The following POGZ variants were observed in gnomAD, a reference collection of about 807,000 sequenced individuals.
The protein encoded by POGZ is pogo transposable element derived with ZNF domain.
Under a neutral mutation model 134.6 loss-of-function variants are expected in POGZ, and 17 were observed. The ratio of observed to expected loss-of-function variants is 0.13; its 90% confidence interval spans 0.09 to 0.19. The LOEUF is 0.19. Among genes scored for constraint, POGZ ranks in the 10% least tolerant of loss-of-function variants. The pLI, the probability that POGZ is intolerant of heterozygous loss-of-function variation, is 1.00. For synonymous variants in POGZ, 693 were observed against 657.1 expected, an observed-to-expected ratio of 1.05 and a Z score of -0.84; for missense variants, 1,306 against 1,769.7, an observed-to-expected ratio of 0.74 and a Z score of 4.70.
At chr1:151,457,043 A>G (rs1438372559) in intron 1 of POGZ, among the ~76,000 whole-genome samples, 1 of 152,194 alleles carries the variant, frequency 6.6e-6, no homozygotes, top group Non-Finnish European at 1.5e-5. Context: ...TCTTACTATT[A>G]TTTTGAAAAT....
chr1:151,411,987 A>T (rs1392778448), intron 11 of POGZ, among the ~76,000 whole-genome samples: 1 of 152,246 alleles, frequency 6.6e-6, no homozygotes, highest in Non-Finnish European at 1.5e-5. Context: ...AAGTCTAAGA[A>T]TAATCCATGT....
chr1:151,458,342 G>A (rs1048077077), intron 1 of POGZ, among the ~76,000 whole-genome samples: 2 of 152,046 alleles, frequency 1.3e-5, no homozygotes, highest in African/African-American at 4.8e-5. Context: ...AGAAAATAAA[G>A]ATTCCCCGCC....
In POGZ at chr1:151,408,764, T is replaced by C; in HGVS notation, c.1991A>G (p.Glu664Gly). Residue 664 changes from glutamate (E) to glycine (G), a missense_variant, in exon 13 of 19, where the codon GAA (glutamate) becomes GGA (glycine). Transcript: ENST00000271715. ...LQFLFAKDKI[E>G]HKLQHHKTFR... ...GGTTTTATGGTGTTGAAGCTTGTGTTCAATTTTGTCCTTGGCAAAGAGAAA... is the reference window on the plus strand; with the variant it reads ...GGTTTTATGGTGTTGAAGCTTGTGTCCAATTTTGTCCTTGGCAAAGAGAAA... The C allele has an allele frequency of 6.2e-7, 1 of 1,614,110 alleles. No individual in the cohort carries two copies. Among genetic ancestry groups the C allele is most frequent in the East Asian group, 2.2e-5 (1 of 44,886 alleles).
Position 151,406,171 on chromosome 1 carries a change from G to C in POGZ, c.2864C>G (p.Pro955Arg), listed in dbSNP as rs776817247. Reference protein sequence around the residue: ...QDEGSPVTQEPELASGGGGSG... With the variant: ...QDEGSPVTQERELASGGGGSG... ...ACCACCACCACCTGATGCTAGCTCA[G>C]GTTCTTGGGTGACTGGGCTCCCTTC... Residue 955 changes from proline to arginine, a missense_variant, in exon 19 of 19, where the codon CCT becomes CGT. Pro to Arg is a moderately radical substitution (Grantham distance 103). Transcript: ENST00000271715. 129 of 1,614,016 alleles carry C rather than the reference G, an allele frequency of 8.0e-5. No individual in the cohort carries two copies. The highest frequency in any genetic ancestry group is 1.0e-4 in the Non-Finnish European group (120 of 1,180,038).
In POGZ at chr1:151,407,179, G is replaced by C. The variant is rs1653796196; in HGVS notation, c.2432+56C>G. 7 of 1,383,334 alleles carry C rather than the reference G, an allele frequency of 5.1e-6. No individual in the cohort carries two copies. The Admixed American group carries it at 1.2e-4, about 23-fold the overall frequency. 85.7% of individuals were successfully genotyped at this position (1,383,334 alleles called of 1,614,324 possible). On this transcript the variant is annotated intron_variant, in intron 16 of 18. Coordinates refer to ENST00000271715, the MANE Select transcript of POGZ (RefSeq NM_015100.4). ...CACCTCTCCAAATAATGAAAAACCT[G>C]AAAATTAATGTAAAAACCTGAAAAA...
chr1:151,443,575 G>A (rs1439415584), intron 1 of POGZ, among the ~76,000 whole-genome samples: 4 of 152,066 alleles, frequency 2.6e-5, no homozygotes, highest in East Asian at 1.9e-4. Context: ...TTAGCCGGGC[G>A]TGGTGGTGCA....
intron 7 of POGZ, 45 bp downstream of exon 7, chr1:151,427,778 T>C (rs1415036109): frequency 8.2e-7 from 1 of 1,218,096 alleles, no homozygotes; most frequent in Non-Finnish European, 1.2e-6. Context: ...ACTTTATTAA[T>C]GTTTTTGAAT....
chr1:151,411,697 A>G lies in POGZ; in HGVS notation c.1854T>C (p.His618=). ...HFRMIHEDTR[H]LLCPYCLKVF... ...CCTTCAGGCAATAAGGGCAGAGCAG[A>G]TGCCGGGTATCCTCATGGATCATCC... The change falls in exon 12 of 19, where the codon CAT becomes CAC. Residue 618 remains histidine (H), a synonymous_variant. Transcript: ENST00000271715. The G allele has an allele frequency of 6.2e-7, 1 of 1,613,792 alleles. No individual in the cohort carries two copies.
intron 14 of POGZ, 67 bp downstream of exon 14, chr1:151,408,342 C>T: frequency 6.4e-7 from 1 of 1,564,034 alleles, no homozygotes; most frequent in Non-Finnish European, 8.7e-7. Flanking sequence ...CCAGATTGCA[C>T]TGTGTATCAG....
chr1:151,447,291 G>T (rs910107992), intron 1 of POGZ, among the ~76,000 whole-genome samples: 1 of 151,982 alleles, frequency 6.6e-6, no homozygotes, highest in African/African-American at 2.4e-5. Context: ...AGAATTGCTT[G>T]AACCCAGGAG....
chr1:151,443,308 G>A (rs1292447906), intron 1 of POGZ, among the ~76,000 whole-genome samples: 1 of 152,118 alleles, frequency 6.6e-6, no homozygotes, highest in African/African-American at 2.4e-5. Context: ...CTACTACCTT[G>A]TACGTCTAGT....
chr1:151,407,041 G>C lies in POGZ; in HGVS notation c.2433-18C>G, dbSNP rs1437473925. 6 of 1,578,064 alleles carry C rather than the reference G, an allele frequency of 3.8e-6. No homozygotes were observed. Among genetic ancestry groups the C allele is most frequent in the Non-Finnish European group, 4.4e-6 (5 of 1,148,124 alleles). The stretch of plus-strand genomic sequence containing the variant: ...TGATTCCACTAAAAAAGAGAATTGA[G>C]ACTATGTAAGACAAACACAGCAGTG... On this transcript the variant is annotated intron_variant, in intron 16 of 18. Coordinates refer to ENST00000271715, the MANE Select transcript of POGZ (RefSeq NM_015100.4).
At chr1:151,413,537 C>G (rs1571366763) in intron 10 of POGZ, among the ~76,000 whole-genome samples, 1 of 152,052 alleles carries the variant, frequency 6.6e-6, no homozygotes, top group East Asian at 1.9e-4. Flanking sequence ...CAAGTTTTTG[C>G]AAATATGAAA....
intron 1 of POGZ, 42 bp from the exon 2 acceptor site, chr1:151,442,247 G>T (rs746246446): frequency 6.3e-6 from 10 of 1,582,842 alleles, no homozygotes; most frequent in Non-Finnish European, 6.0e-6. Flanking sequence ...CCTAAGAATA[G>T]GAGATATTGC....
chr1:151,457,169 ACT>A (rs1215630703), intron 1 of POGZ, among the ~76,000 whole-genome samples: 3 of 152,082 alleles, frequency 2.0e-5, no homozygotes, highest in East Asian at 3.9e-4. Flanking sequence ...GGGAGTGGAA[ACT>A]CTAACTAAAT....
chr1:151,411,470 T>C (rs1319079843), intron 12 of POGZ, among the ~76,000 whole-genome samples, 155 bp downstream of exon 12: 1 of 152,128 alleles, frequency 6.6e-6, no homozygotes, highest in Non-Finnish European at 1.5e-5. Flanking sequence ...TCTAGACTAG[T>C]ACATGGCACA....
chr1:151,419,372 G>A (rs984946003), intron 10 of POGZ, among the ~76,000 whole-genome samples: 3 of 151,408 alleles, frequency 2.0e-5, no homozygotes, highest in African/African-American at 4.9e-5. Context: ...AAAAAAAGCT[G>A]AGCACGGTGG....
At chr1:151,449,133 T>C (rs974050174) in intron 1 of POGZ, among the ~76,000 whole-genome samples, 5 of 152,200 alleles carry the variant, frequency 3.3e-5, no homozygotes, top group African/African-American at 9.7e-5. Flanking sequence ...AAATATTTCA[T>C]CATATTCCAG....
chr1:151,429,773 G>A, intron 4 of POGZ, 62 bp from the exon 5 acceptor site: 1 of 901,784 alleles, frequency 1.1e-6, no homozygotes. Context: ...AAAGATTGCA[G>A]TATGACCTAC....
Sources: gnomAD v4.1 joint callset for allele counts (sites outside exome capture counted in the v4.1 genomes callset) on GRCh38, gnomAD v4.1.1 for gene constraint, MANE v1.5 for transcripts, NCBI Gene and HGNC (gene_info 2026-07-23, HGNC 2026-07-21) for gene names.